SFMBT1: variants seen among roughly 807,000 people sequenced by gnomAD.
SFMBT1 encodes the protein Scm like with four mbt domains 1, also known as scm-like with four MBT domains protein 1.
Under a neutral mutation model 108.7 loss-of-function variants are expected in SFMBT1, and 32 were observed. That is an observed-to-expected ratio of 0.29 (90% confidence interval 0.22 to 0.40). The LOEUF is 0.40. Ranked by LOEUF, SFMBT1 falls within the 10% of genes least tolerant of loss-of-function variation. The pLI is 1.00. For synonymous variants in SFMBT1, 348 were observed against 369.5 expected, an observed-to-expected ratio of 0.94 and a Z score of 0.67; for missense variants, 816 against 1,059.6, an observed-to-expected ratio of 0.77 and a Z score of 3.19.
chr3:52,987,041 C>T (rs1369720068), intron 1 of SFMBT1, among the ~76,000 whole-genome samples: 1 of 152,040 alleles, frequency 6.6e-6, no homozygotes, highest in East Asian at 1.9e-4. Context: ...ACACAACAGC[C>T]TAGGACTACA....
intron 15 of SFMBT1, 118 bp from the exon 16 acceptor site, chr3:52,912,765 T>C (rs923517809): frequency 2.7e-6 from 2 of 739,892 alleles, no homozygotes; most frequent in East Asian, 5.4e-5. Flanking sequence ...TCTAGTCATA[T>C]GAATTAACAA....
chr3:52,908,798 T>A (rs1040127544), intron 17 of SFMBT1, among the ~76,000 whole-genome samples: 1 of 152,036 alleles, frequency 6.6e-6, no homozygotes, highest in Non-Finnish European at 1.5e-5. Context: ...CTTGAACTCC[T>A]GACCTCAGGT....
At chr3:53,037,873 C>T (rs1381514142) in intron 1 of SFMBT1, among the ~76,000 whole-genome samples, 1 of 152,144 alleles carries the variant, frequency 6.6e-6, no homozygotes, top group African/African-American at 2.4e-5. Context: ...CTTTAGGAGG[C>T]CAAGGCGGAT....
At chr3:52,923,920 C>T (rs1481188227) in intron 10 of SFMBT1, among the ~76,000 whole-genome samples, 1 of 151,980 alleles carries the variant, frequency 6.6e-6, no homozygotes, top group Non-Finnish European at 1.5e-5. Flanking sequence ...AAAACAGGCT[C>T]GCATCAAGGT....
At chr3:53,036,971 A>G (rs1699888703) in intron 1 of SFMBT1, among the ~76,000 whole-genome samples, 1 of 152,200 alleles carries the variant, frequency 6.6e-6, no homozygotes, top group South Asian at 2.1e-4. Flanking sequence ...GAGAAAATGA[A>G]GGTCACAATG....
At chr3:52,963,756 C>T (rs9876869) in intron 2 of SFMBT1, among the ~76,000 whole-genome samples, 2,370 of 152,084 alleles carry the variant, frequency 0.016, 59 homozygotes, top group African/African-American at 0.054. Context: ...CTGGCCTATG[C>T]CATATTAAAA....
At chr3:52,915,128 A>C (rs181645411) in intron 14 of SFMBT1, among the ~76,000 whole-genome samples, 48 of 152,304 alleles carry the variant, frequency 3.2e-4, no homozygotes, top group African/African-American at 1.1e-3. Flanking sequence ...GGTTCAACTT[A>C]TCTCTCTGCC....
chr3:52,989,011 A>G (rs1026687072), intron 1 of SFMBT1, among the ~76,000 whole-genome samples: 1 of 152,158 alleles, frequency 6.6e-6, no homozygotes, highest in African/African-American at 2.4e-5. Context: ...CTGAAAACCA[A>G]AAGTATCTAA....
chr3:52,958,237 T>C (rs192449994), intron 2 of SFMBT1, among the ~76,000 whole-genome samples: 1 of 152,230 alleles, frequency 6.6e-6, no homozygotes, highest in Admixed American at 6.5e-5. Flanking sequence ...ATTAGAGAAA[T>C]GCAAATCAAA....
intron 10 of SFMBT1, among the ~76,000 whole-genome samples, 196 bp downstream of exon 10, chr3:52,925,831 AAACT>A (rs759917993): frequency 6.6e-6 from 1 of 152,276 alleles, no homozygotes; most frequent in Non-Finnish European, 1.5e-5. Flanking sequence ...TAAACTTATA[AAACT>A]AACTTAATTA....
At chr3:52,981,350 C>A (rs1575417028) in intron 1 of SFMBT1, among the ~76,000 whole-genome samples, 1 of 151,438 alleles carries the variant, frequency 6.6e-6, no homozygotes, top group East Asian at 1.9e-4. Flanking sequence ...GAAAGGATTT[C>A]CACCTGAATA....
chr3:52,945,849 G>T (rs183502944), intron 3 of SFMBT1, among the ~76,000 whole-genome samples: 144 of 151,784 alleles, frequency 9.5e-4, no homozygotes, highest in African/African-American at 3.3e-3. Context: ...AACATTGCAG[G>T]CAAGAATTAT....
intron 1 of SFMBT1, chr3:53,018,242 C>CAAAAAGA (rs1559551480): frequency 6.6e-6 from 1 of 150,566 alleles, no homozygotes; most frequent in African/African-American, 2.4e-5. Flanking sequence ...GAAAACAAAA[C>CAAAAAGA]AAAAAGAAAA....
chr3:52,969,290 C>A, intron 1 of SFMBT1, 32 bp from the exon 2 acceptor site: 1 of 1,477,434 alleles, frequency 6.8e-7, no homozygotes. Context: ...ATTAAACAGC[C>A]TGAAGCCCAA....
intron 3 of SFMBT1, among the ~76,000 whole-genome samples, chr3:52,949,843 T>G (rs1284059424): frequency 6.6e-6 from 1 of 152,184 alleles, no homozygotes; most frequent in Non-Finnish European, 1.5e-5. Flanking sequence ...CCTCCCAAAG[T>G]GCTGGGATTA....
chr3:53,038,727 T>C (rs1262058970), intron 1 of SFMBT1, among the ~76,000 whole-genome samples: 2 of 152,218 alleles, frequency 1.3e-5, no homozygotes, highest in African/African-American at 4.8e-5. Context: ...ATACAAAGCA[T>C]TAATTAGGTG....
intron 16 of SFMBT1, among the ~76,000 whole-genome samples, chr3:52,911,505 C>T (rs1321479525): frequency 6.6e-6 from 1 of 152,202 alleles, no homozygotes; most frequent in African/African-American, 2.4e-5. Context: ...TCTTTCTTTA[C>T]CCTTGGCAGT....
chr3:52,922,499 T>C (rs570395437), intron 10 of SFMBT1, among the ~76,000 whole-genome samples: 1 of 152,266 alleles, frequency 6.6e-6, no homozygotes, highest in African/African-American at 2.4e-5. Flanking sequence ...TTAAGATGGA[T>C]ATAACAGGAA....
intron 1 of SFMBT1, among the ~76,000 whole-genome samples, chr3:53,012,551 C>T (rs1176350909): frequency 5.3e-5 from 8 of 152,044 alleles, no homozygotes; most frequent in African/African-American, 1.7e-4. Context: ...TACAGGCGCC[C>T]GCCACCACGC....
Sources: gnomAD v4.1 joint callset for allele counts (sites outside exome capture counted in the v4.1 genomes callset) on GRCh38, gnomAD v4.1.1 for gene constraint, MANE v1.5 for transcripts, NCBI Gene and HGNC (gene_info 2026-07-23, HGNC 2026-07-21) for gene names.